C12orf42: variants seen among roughly 807,000 people sequenced by gnomAD.
C12orf42 encodes uncharacterized protein C12orf42.
C12orf42 carries 25 observed loss-of-function variants against 21.6 expected under a neutral mutation model. The ratio of observed to expected loss-of-function variants is 1.16; its 90% CI spans 0.84 to 1.62. The LOEUF (loss-of-function observed/expected upper bound fraction) is 1.62. Among genes scored for constraint, C12orf42 ranks in the 40% most tolerant of loss-of-function variants. The probability of loss-of-function intolerance (pLI) is 0.00; values close to 1 mark genes in which losing one functional copy is unlikely to be tolerated. For missense variants in C12orf42, 483 were observed against 459.3 expected, an observed-to-expected ratio of 1.05 and a Z score of -0.47; for synonymous variants, 174 against 175.0, an observed-to-expected ratio of 0.99 and a Z score of 0.05.
chr12:103,277,007 TTAGA>T (rs551074677), intron 5 of C12orf42: 54 of 362,786 alleles, frequency 1.5e-4, no homozygotes, highest in Middle Eastern at 5.4e-4. Flanking sequence ...ATTTTTACAA[TTAGA>T]TAGTATAATT....
chr12:103,216,472 G>A, the C12orf42 span, among the ~76,000 whole-genome samples: 4 of 151,314 alleles, frequency 2.6e-5, no homozygotes, highest in African/African-American at 4.9e-5. Context: ...CCGGGTTCAC[G>A]CCATTCTCCT....
chr12:103,191,194 AG>A, the C12orf42 span, among the ~76,000 whole-genome samples: 4 of 152,162 alleles, frequency 2.6e-5, no homozygotes, highest in Non-Finnish European at 5.9e-5. Flanking sequence ...TAAAGAAAAA[AG>A]GTTTCTCAGA....
the C12orf42 span, among the ~76,000 whole-genome samples, chr12:103,223,045 A>G: frequency 6.6e-6 from 1 of 152,038 alleles, no homozygotes; most frequent in African/African-American, 2.4e-5. Flanking sequence ...CATTAATTGC[A>G]CACCTATTAT....
At chr12:103,155,908 CAA>C in the C12orf42 span, among the ~76,000 whole-genome samples, 1 of 150,532 alleles carries the variant, frequency 6.6e-6, no homozygotes, top group Non-Finnish European at 1.5e-5. Context: ...TCCTTTGAAA[CAA>C]GTTGTGCCTT....
chr12:103,391,003 T>C (rs2047029446), intron 3 of C12orf42, among the ~76,000 whole-genome samples: 1 of 152,188 alleles, frequency 6.6e-6, no homozygotes. Context: ...CTTAGCCCAA[T>C]CAAGTTGGCA....
chr12:103,224,866 C>T, the C12orf42 span, among the ~76,000 whole-genome samples: 6 of 152,174 alleles, frequency 3.9e-5, no homozygotes, highest in Non-Finnish European at 5.9e-5. Context: ...ATTCTGACCA[C>T]ACTATGCCTA....
intron 4 of C12orf42, among the ~76,000 whole-genome samples, chr12:103,364,877 G>A (rs1272419342): frequency 6.6e-6 from 1 of 151,998 alleles, no homozygotes; most frequent in South Asian, 2.1e-4. Flanking sequence ...GAACCAGGCA[G>A]ATTCACAGTT....
chr12:103,329,040 AG>A (rs2040965754), intron 4 of C12orf42, among the ~76,000 whole-genome samples: 1 of 152,204 alleles, frequency 6.6e-6, no homozygotes, highest in Non-Finnish European at 1.5e-5. Context: ...GGTGACATGC[AG>A]TGATAAGCGC....
the C12orf42 span, among the ~76,000 whole-genome samples, chr12:103,170,099 T>A: frequency 2.0e-5 from 3 of 152,166 alleles, no homozygotes; most frequent in Non-Finnish European, 4.4e-5. Flanking sequence ...ACTCCACTAA[T>A]TTTTTCCCAA....
chr12:103,147,488 T>C, the C12orf42 span, among the ~76,000 whole-genome samples: 1 of 115,376 alleles, frequency 8.7e-6, no homozygotes, highest in African/African-American at 3.9e-5. Context: ...AATTTTTCTT[T>C]TTTTCTTTTT....
At chr12:103,182,807 C>T in the C12orf42 span, among the ~76,000 whole-genome samples, 1 of 152,234 alleles carries the variant, frequency 6.6e-6, no homozygotes, top group African/African-American at 2.4e-5. Flanking sequence ...CCAATAGCAA[C>T]ATTTTGTAAA....
chr12:103,347,681 G>A (rs1002136523), intron 4 of C12orf42, among the ~76,000 whole-genome samples: 9 of 152,054 alleles, frequency 5.9e-5, no homozygotes, highest in Non-Finnish European at 1.3e-4. Flanking sequence ...CACTATGCTT[G>A]ATTCTAAAAG....
the C12orf42 span, among the ~76,000 whole-genome samples, chr12:103,094,524 C>T: frequency 6.6e-6 from 1 of 152,296 alleles, no homozygotes; most frequent in African/African-American, 2.4e-5. Context: ...CTGGTACCTT[C>T]CTTTCACATA....
intron 3 of C12orf42, among the ~76,000 whole-genome samples, chr12:103,382,155 A>G (rs1474171805): frequency 1.3e-5 from 2 of 152,170 alleles, no homozygotes; most frequent in Non-Finnish European, 1.5e-5. Context: ...TAAAAGATGG[A>G]ATCATGGCTT....
At chr12:103,449,912 A>AT (rs1951831052) in intron 2 of C12orf42, among the ~76,000 whole-genome samples, 1 of 151,436 alleles carries the variant, frequency 6.6e-6, no homozygotes, top group Non-Finnish European at 1.5e-5. Flanking sequence ...AATATATTTT[A>AT]TTTTTTCTAC....
chr12:103,435,287 C>T (rs1194744468), intron 2 of C12orf42, among the ~76,000 whole-genome samples: 6 of 152,104 alleles, frequency 3.9e-5, no homozygotes, highest in African/African-American at 1.4e-4. Flanking sequence ...TAGATAAAAC[C>T]ACAAAGATGG....
chr12:103,421,721 T>C (rs1344550438), intron 2 of C12orf42, among the ~76,000 whole-genome samples: 1 of 152,198 alleles, frequency 6.6e-6, no homozygotes, highest in East Asian at 1.9e-4. Context: ...CTAAAACAAC[T>C]GTTATGAAAC....
chr12:103,150,937 A>G, the C12orf42 span, among the ~76,000 whole-genome samples: 1 of 152,234 alleles, frequency 6.6e-6, no homozygotes, highest in African/African-American at 2.4e-5. Flanking sequence ...AAACATCGGA[A>G]GGGAGTGTAT....
chr12:103,082,455 C>A, the C12orf42 span, among the ~76,000 whole-genome samples: 1 of 152,220 alleles, frequency 6.6e-6, no homozygotes, highest in Non-Finnish European at 1.5e-5. Context: ...GACAACCAAT[C>A]TCTGTTTAGT....
Sources: allele counts gnomAD v4.1 joint callset (sites outside exome capture counted in the v4.1 genomes callset), GRCh38; gene constraint gnomAD v4.1.1; transcripts MANE v1.5; gene names NCBI Gene and HGNC (gene_info 2026-07-23, HGNC 2026-07-21).